UGGT2: variants seen among roughly 807,000 people sequenced by gnomAD.
The protein encoded by UGGT2 is UDP-glucose:glycoprotein glucosyltransferase 2.
In UGGT2, 180 loss-of-function variants were observed where a neutral mutation model predicts 192.1. The observed-to-expected ratio is 0.94, with a 90% CI of 0.83 to 1.06. UGGT2 has a LOEUF of 1.06. UGGT2 is among the 50% of genes least tolerant of loss of function. UGGT2 has a pLI of 0.00. For missense variants in UGGT2, 1,849 were observed against 1,795.7 expected, an observed-to-expected ratio of 1.03 and a Z score of -0.54; for synonymous variants, 580 against 591.0, an observed-to-expected ratio of 0.98 and a Z score of 0.27.
chr13:95,873,618 C>T (rs908908119), intron 29 of UGGT2, among the ~76,000 whole-genome samples: 4 of 152,198 alleles, frequency 2.6e-5, no homozygotes, highest in Non-Finnish European at 5.9e-5. Context: ...TGCCTGACTC[C>T]TCTTCATTCT....
chr13:95,861,376 C>G (rs576617193), intron 31 of UGGT2, among the ~76,000 whole-genome samples: 2 of 152,220 alleles, frequency 1.3e-5, no homozygotes, highest in East Asian at 3.9e-4. Flanking sequence ...TCTGACCAAG[C>G]AGATTTTCTC....
In UGGT2 at chr13:95,984,394, T is replaced by A. The variant is rs942119654; in HGVS notation, c.1032-530A>T. Among the ~76,000 whole-genome samples, 3 of 152,284 alleles carry A rather than the reference T, an allele frequency of 2.0e-5. No individual in the cohort carries two copies. In the East Asian group the frequency reaches 5.8e-4, roughly 29 times the overall value. ...ACCCAGCAGGACTGCAGTGGCATGA[T>A]CACAACTCACTGTAGTCTCGGGTTC... On this transcript the variant is annotated intron_variant, in intron 9 of 38. Coordinates refer to ENST00000376747, the MANE Select transcript of UGGT2 (RefSeq NM_020121.4).
intron 7 of UGGT2, chr13:95,991,385 TGTC>T (rs1213648515): frequency 2.3e-6 from 1 of 428,416 alleles, no homozygotes; most frequent in Non-Finnish European, 4.7e-6. Context: ...CTCCAGCATC[TGTC>T]GTTTCCTTTT....
intron 20 of UGGT2, among the ~76,000 whole-genome samples, chr13:95,916,172 C>A (rs1365314029): frequency 1.3e-5 from 2 of 152,146 alleles, no homozygotes; most frequent in South Asian, 2.1e-4. Context: ...GTCTGTACCC[C>A]CCTAGGACAG....
rs750190442 is a variant in UGGT2 at position 95,940,118 on chromosome 13, A to AT, written c.1678-28dup. ...TGTGAAAATTTAGATATTATAATTAATTTTCTTCTTATAGCAATTAGTTTT... is the reference window on the plus strand; with the variant it reads ...TGTGAAAATTTAGATATTATAATTAATTTTTCTTCTTATAGCAATTAGTTTT... On this transcript the variant is annotated intron_variant, in intron 15 of 38. Coordinates refer to ENST00000376747, the MANE Select transcript of UGGT2 (RefSeq NM_020121.4). The AT allele has an allele frequency of 3.6e-6, 5 of 1,400,814 alleles. No individual in the cohort carries two copies. The East Asian group carries it at 1.3e-4, about 37-fold the overall frequency. 86.8% of individuals were successfully genotyped at this position (1,400,814 alleles called of 1,614,324 possible).
chr13:96,022,343 A>C (rs941258825), intron 4 of UGGT2, among the ~76,000 whole-genome samples: 5 of 152,162 alleles, frequency 3.3e-5, no homozygotes, highest in African/African-American at 1.2e-4. Flanking sequence ...AACTGTTAGT[A>C]TAAAAACAAT....
At chr13:96,028,591 G>A (rs1310150214) in intron 2 of UGGT2, among the ~76,000 whole-genome samples, 1 of 152,066 alleles carries the variant, frequency 6.6e-6, no homozygotes, top group African/African-American at 2.4e-5. Context: ...TTTTTAAACA[G>A]GCAATTCATT....
chr13:95,818,827 G>A (rs985461043), intron 38 of UGGT2, among the ~76,000 whole-genome samples: 3 of 152,306 alleles, frequency 2.0e-5, no homozygotes, highest in African/African-American at 7.2e-5. Flanking sequence ...ACAGAGACCT[G>A]CAGGAAGAAG....
At position 96,053,363 on chromosome 13, in the gene UGGT2, G is replaced by T. The variant is rs755578351; in HGVS notation, c.-51C>A. The T allele has an allele frequency of 6.5e-7, 1 of 1,548,102 alleles. No homozygotes were observed. Among genetic ancestry groups the T allele is most frequent in the South Asian group, 1.2e-5 (1 of 84,008 alleles). ...CTCGGACCCGGTACCCACAGTCTGT[G>T]GCCGCCACGCTTCGGCCGGCTCTTC... On this transcript the variant is annotated 5_prime_UTR_variant, in exon 1 of 39. Transcript: ENST00000376747.
rs773969149 is a variant in UGGT2 at position 95,841,112 on chromosome 13, A to G, written c.4285-3910T>C. Among the ~76,000 whole-genome samples, 13 of 152,132 alleles carry G rather than the reference A, an allele frequency of 8.5e-5. 1 individual carries two copies. Among genetic ancestry groups the G allele is most frequent in the Non-Finnish European group, 1.9e-4 (13 of 68,014 alleles). Reference sequence around the variant, plus strand: ...ATACCTAATGCATGTGGGGCTTAAAACCTAGATGACAGGTTGATAGGTGCA... The same window carrying G: ...ATACCTAATGCATGTGGGGCTTAAAGCCTAGATGACAGGTTGATAGGTGCA... On this transcript the variant is annotated intron_variant, in intron 36 of 38. Coordinates refer to ENST00000376747, the MANE Select transcript of UGGT2 (RefSeq NM_020121.4).
chr13:95,822,740 T>C (rs528775902), intron 38 of UGGT2, among the ~76,000 whole-genome samples: 2 of 152,234 alleles, frequency 1.3e-5, no homozygotes, highest in South Asian at 2.1e-4. Flanking sequence ...ATTTTGTTTA[T>C]CTTTTCAAAG....
chr13:95,991,770 T>C (rs571550258), intron 7 of UGGT2, among the ~76,000 whole-genome samples: 2 of 152,312 alleles, frequency 1.3e-5, no homozygotes, highest in South Asian at 4.1e-4. Flanking sequence ...TTAATAACTT[T>C]CACTGCTAAA....
intron 22 of UGGT2, among the ~76,000 whole-genome samples, chr13:95,895,513 A>G (rs905416274): frequency 6.6e-6 from 1 of 151,984 alleles, no homozygotes; most frequent in African/African-American, 2.4e-5. Flanking sequence ...ATTTGTATAA[A>G]CACCAAAATC....
intron 38 of UGGT2, among the ~76,000 whole-genome samples, chr13:95,814,806 T>G (rs907834152): frequency 1.3e-5 from 2 of 152,074 alleles, no homozygotes; most frequent in Non-Finnish European, 2.9e-5. Flanking sequence ...ATATTCTCCA[T>G]GAACACAGAT....
In UGGT2 at chr13:96,051,808, TA is replaced by T. The variant is rs990097024; in HGVS notation, c.158+1346del. On this transcript the variant is annotated intron_variant, in intron 1 of 38. Transcript: ENST00000376747. Reference sequence around the variant, plus strand: ...CTTACTCCTGCAAGAATGGCCATAATAAAAAAATAAAAATAAATAATAGATG... The same window carrying T: ...CTTACTCCTGCAAGAATGGCCATAATAAAAAATAAAAATAAATAATAGATG... Among the ~76,000 whole-genome samples, 218 of 152,030 alleles carry T rather than the reference TA, an allele frequency of 1.4e-3. 1 individual carries two copies. The highest frequency in any genetic ancestry group is 5.1e-3 in the African/African-American group (213 of 41,484).
chr13:95,996,837 C>T (rs1337259706), intron 6 of UGGT2, among the ~76,000 whole-genome samples: 1 of 152,022 alleles, frequency 6.6e-6, no homozygotes, highest in Non-Finnish European at 1.5e-5. Flanking sequence ...AATCAAGGAA[C>T]ATTTAGAAAG....
At chr13:95,981,094 A>G (rs924022157) in intron 10 of UGGT2, among the ~76,000 whole-genome samples, 1 of 152,136 alleles carries the variant, frequency 6.6e-6, no homozygotes, top group Non-Finnish European at 1.5e-5. Flanking sequence ...CCTCTACTCG[A>G]AGGTCATATC....
intron 4 of UGGT2, among the ~76,000 whole-genome samples, chr13:96,019,756 A>T (rs981785261): frequency 6.6e-6 from 1 of 152,212 alleles, no homozygotes; most frequent in Non-Finnish European, 1.5e-5. Flanking sequence ...AAGAGTCAGT[A>T]TGAATGTATT....
At chr13:95,807,613 A>G (rs991674374) in intron 38 of UGGT2, among the ~76,000 whole-genome samples, 1 of 150,180 alleles carries the variant, frequency 6.7e-6, no homozygotes. Flanking sequence ...GTTCAGAAGC[A>G]CTCATCTCCA....
Sources: gnomAD v4.1 joint callset for allele counts (sites outside exome capture counted in the v4.1 genomes callset) on GRCh38, gnomAD v4.1.1 for gene constraint, MANE v1.5 for transcripts, NCBI Gene and HGNC (gene_info 2026-07-23, HGNC 2026-07-21) for gene names.